Variants in LINGO2 observed in about 807,000 individuals in gnomAD.
The protein encoded by LINGO2 is leucine-rich repeat and immunoglobulin-like domain-containing nogo receptor-interacting protein 2.
LINGO2 carries 14 observed loss-of-function variants against 30.6 expected under a neutral mutation model. The observed-to-expected ratio is 0.46, with a 90% CI of 0.30 to 0.72. LINGO2 has a LOEUF of 0.72. Ranked by LOEUF, LINGO2 falls within the 30% of genes least tolerant of loss-of-function variation. The probability of loss-of-function intolerance (pLI) is 0.07; values close to 1 mark genes in which losing one functional copy is unlikely to be tolerated. For missense variants in LINGO2, 729 were observed against 751.7 expected (o/e 0.97, Z 0.35); for synonymous variants, 317 against 288.5 (o/e 1.10, Z -1.00).
the LINGO2 span, among the ~76,000 whole-genome samples, chr9:28,676,356 A>T: frequency 2.0e-5 from 3 of 152,112 alleles, no homozygotes; most frequent in Non-Finnish European, 4.4e-5. Flanking sequence ...GAACTGCTTA[A>T]TATTAAAAAC....
the LINGO2 span, among the ~76,000 whole-genome samples, chr9:28,724,663 TCAGCAAA>T: frequency 1.3e-5 from 2 of 152,090 alleles, no homozygotes; most frequent in Admixed American, 6.6e-5. Flanking sequence ...CAGATCAATA[TCAGCAAA>T]CAGCTGATGT....
the LINGO2 span, among the ~76,000 whole-genome samples, chr9:28,782,079 A>G: frequency 6.6e-6 from 1 of 152,170 alleles, no homozygotes; most frequent in Non-Finnish European, 1.5e-5. Flanking sequence ...CCTGCTTTGG[A>G]ATCACTACTC....
the LINGO2 span, among the ~76,000 whole-genome samples, chr9:28,855,021 A>G: frequency 9.2e-3 from 1,405 of 152,102 alleles, 22 homozygotes; most frequent in African/African-American, 0.032. Flanking sequence ...ATAACTATCA[A>G]TGAAGTTGTG....
the LINGO2 span, among the ~76,000 whole-genome samples, chr9:29,143,352 T>G: frequency 6.6e-6 from 1 of 151,936 alleles, no homozygotes; most frequent in African/African-American, 2.4e-5. Flanking sequence ...AGATTCCAAA[T>G]AACAAAAACA....
At chr9:28,983,176 T>A in the LINGO2 span, among the ~76,000 whole-genome samples, 2 of 151,958 alleles carry the variant, frequency 1.3e-5, no homozygotes, top group Non-Finnish European at 2.9e-5. Flanking sequence ...AAGGTAAGAA[T>A]AATTTTACCA....
chr9:28,740,410 TA>T, the LINGO2 span, among the ~76,000 whole-genome samples: 1 of 151,926 alleles, frequency 6.6e-6, no homozygotes, highest in Admixed American at 6.6e-5. Context: ...AGTTTTTGCC[TA>T]ATGTATTTTA....
chr9:28,674,970 C>T (rs1018641870), upstream of LINGO2, among the ~76,000 whole-genome samples: 1 of 152,114 alleles, frequency 6.6e-6, no homozygotes, highest in Non-Finnish European at 1.5e-5. Flanking sequence ...CTCATACATC[C>T]AGTAGACCAA....
intron 1 of LINGO2, among the ~76,000 whole-genome samples, chr9:28,476,570 C>T (rs1477537428): frequency 6.6e-6 from 1 of 152,314 alleles, no homozygotes; most frequent in Non-Finnish European, 1.5e-5. Flanking sequence ...CCACCGCGCC[C>T]GGCCTATTTT....
intron 4 of LINGO2, among the ~76,000 whole-genome samples, chr9:28,239,916 G>T (rs1014661456): frequency 1.3e-5 from 2 of 152,082 alleles, no homozygotes; most frequent in East Asian, 3.9e-4. Flanking sequence ...TATTAGAACT[G>T]ATAAACAAAT....
In LINGO2 at chr9:28,055,742, A is replaced by G. The variant is rs191798863; in HGVS notation, c.-86-43337T>C. 4.1e-3 allele frequency among the ~76,000 whole-genome samples: 629 copies of G among 152,302 alleles called. 8 individuals are homozygous for G. Among genetic ancestry groups the G allele is most frequent in the Admixed American group, 0.02 (313 of 15,276 alleles). On this transcript the variant is annotated intron_variant, in intron 4 of 5. Transcript: ENST00000379992. Reference sequence around the variant, plus strand: ...TTTAAAAGATATGTACTCAAAGACAAGTCTCTCTTGGAAGTTTAAGTAGTT... The same window carrying G: ...TTTAAAAGATATGTACTCAAAGACAGGTCTCTCTTGGAAGTTTAAGTAGTT...
At chr9:28,678,163 T>C in the LINGO2 span, among the ~76,000 whole-genome samples, 1 of 151,380 alleles carries the variant, frequency 6.6e-6, no homozygotes, top group African/African-American at 2.4e-5. Context: ...AAAAAAACTT[T>C]ATTTTTTTAA....
rs1169622555 is a variant in LINGO2 at position 28,573,499 on chromosome 9, T to C, written c.-365+96701A>G. Among the ~76,000 whole-genome samples the C allele has an allele frequency of 2.0e-5, 3 of 152,100 alleles. No homozygotes were observed. The East Asian group carries it at 5.8e-4, about 29-fold the overall frequency. On this transcript the variant is annotated intron_variant, in intron 1 of 5. Coordinates refer to ENST00000379992, the Ensembl canonical transcript of LINGO2. ...AATTATGTTTTTAATTAAACAAAAATTCCCTGAATTTTACAGGAATCTGTC... is the reference window on the plus strand; with the variant it reads ...AATTATGTTTTTAATTAAACAAAAACTCCCTGAATTTTACAGGAATCTGTC...
chr9:28,209,923 A>G (rs948051225), intron 4 of LINGO2, among the ~76,000 whole-genome samples: 1 of 151,846 alleles, frequency 6.6e-6, no homozygotes, highest in Non-Finnish European at 1.5e-5. Flanking sequence ...TACTCACTGA[A>G]AAATAAAAAA....
intron 2 of LINGO2, among the ~76,000 whole-genome samples, chr9:28,375,413 T>G (rs966664351): frequency 5.4e-5 from 8 of 148,610 alleles, no homozygotes; most frequent in African/African-American, 2.0e-4. Flanking sequence ...TTGCCTTATA[T>G]GCCTGCAGGG....
At chr9:28,417,719 A>G (rs886711173) in intron 2 of LINGO2, among the ~76,000 whole-genome samples, 6 of 152,138 alleles carry the variant, frequency 3.9e-5, no homozygotes, top group African/African-American at 1.2e-4. Flanking sequence ...CTTGTGTGCA[A>G]TATCTGTGTA....
intron 1 of LINGO2, among the ~76,000 whole-genome samples, chr9:28,599,737 C>T (rs2135741027): frequency 6.6e-6 from 1 of 152,160 alleles, no homozygotes; most frequent in Non-Finnish European, 1.5e-5. Flanking sequence ...AAAGCACTTG[C>T]TTTAATTCAC....
At chr9:28,146,369 G>T (rs990731956) in intron 4 of LINGO2, among the ~76,000 whole-genome samples, 2 of 152,072 alleles carry the variant, frequency 1.3e-5, no homozygotes, top group African/African-American at 4.8e-5. Flanking sequence ...TATCCTAAAA[G>T]AAACTAATAA....
intron 2 of LINGO2, among the ~76,000 whole-genome samples, chr9:28,425,806 G>A (rs943543530): frequency 2.9e-4 from 44 of 151,954 alleles, no homozygotes; most frequent in African/African-American, 8.2e-4. Flanking sequence ...TTATCACACC[G>A]TATTGTCCAG....
intron 4 of LINGO2, among the ~76,000 whole-genome samples, chr9:28,029,820 TTGTATGTATTATTA>T (rs1823577903): frequency 6.6e-6 from 1 of 152,232 alleles, no homozygotes; most frequent in African/African-American, 2.4e-5. Context: ...TCTTCAACTG[TTGTATGTATTATTA>T]ACTTGCAATT....
Sources: gnomAD v4.1 joint callset for allele counts (sites outside exome capture counted in the v4.1 genomes callset) on GRCh38, gnomAD v4.1.1 for gene constraint, MANE v1.5 for transcripts, NCBI Gene and HGNC (gene_info 2026-07-23, HGNC 2026-07-21) for gene names.